RBFOX1: variants seen among roughly 807,000 people sequenced by gnomAD.
RBFOX1 encodes the protein RNA binding protein fox-1 homolog 1.
A neutral mutation model predicts 57.7 loss-of-function variants in RBFOX1; 8 were observed. The ratio of observed to expected loss-of-function variants is 0.14; its 90% confidence interval spans 0.08 to 0.25. The LOEUF is 0.25. RBFOX1 is among the 10% of genes least tolerant of loss of function. The probability of loss-of-function intolerance (pLI) is 1.00; values close to 1 mark genes in which losing one functional copy is unlikely to be tolerated. For synonymous variants in RBFOX1, 326 were observed against 222.4 expected, an observed-to-expected ratio of 1.47 and a Z score of -4.15; for missense variants, 611 against 548.5, an observed-to-expected ratio of 1.11 and a Z score of -1.14.
chr16:6,532,451 A>G (rs1408425310), intron 2 of RBFOX1, among the ~76,000 whole-genome samples: 2 of 152,084 alleles, frequency 1.3e-5, no homozygotes, highest in Admixed American at 6.6e-5. Context: ...TCTTGAATGT[A>G]TGGAGGACCC....
At chr16:6,152,296 C>G (rs1425489459) in intron 1 of RBFOX1, among the ~76,000 whole-genome samples, 1 of 152,136 alleles carries the variant, frequency 6.6e-6, no homozygotes, top group African/African-American at 2.4e-5. Context: ...CTGTATTCCT[C>G]CCACCCCCTC....
chr16:6,894,178 T>C (rs972324339), intron 3 of RBFOX1, among the ~76,000 whole-genome samples: 3 of 152,238 alleles, frequency 2.0e-5, no homozygotes, highest in Admixed American at 6.5e-5. Flanking sequence ...TCTGTCTGTC[T>C]GTCCTTTTTA....
intron 7 of RBFOX1, among the ~76,000 whole-genome samples, chr16:7,587,957 T>C (rs1275330582): frequency 6.6e-6 from 1 of 152,130 alleles, no homozygotes; most frequent in Non-Finnish European, 1.5e-5. Flanking sequence ...GGTGGGTGGA[T>C]CACCTGAGGT....
At chr16:6,945,154 G>A (rs1258100825) in intron 3 of RBFOX1, among the ~76,000 whole-genome samples, 3 of 152,118 alleles carry the variant, frequency 2.0e-5, no homozygotes, top group African/African-American at 7.2e-5. Context: ...ATAGGGATGA[G>A]AGTATGGGGA....
intron 2 of RBFOX1, among the ~76,000 whole-genome samples, chr16:5,573,037 G>A (rs2046336608): frequency 6.6e-6 from 1 of 152,146 alleles, no homozygotes; most frequent in Non-Finnish European, 1.5e-5. Context: ...GGGCCATATG[G>A]GGCAGGGGCA....
intron 5 of RBFOX1, among the ~76,000 whole-genome samples, chr16:7,541,306 T>G (rs1014232652): frequency 2.6e-5 from 4 of 152,216 alleles, no homozygotes; most frequent in Non-Finnish European, 5.9e-5. Context: ...TACCCTTTGT[T>G]GGCTGCAAAT....
intron 1 of RBFOX1, among the ~76,000 whole-genome samples, chr16:5,251,830 A>G (rs1371606439): frequency 1.3e-5 from 2 of 152,218 alleles, no homozygotes; most frequent in Admixed American, 6.5e-5. Context: ...CTATATGTAA[A>G]TTAATAGCTT....
At chr16:7,363,516 C>T (rs1213222676) in intron 4 of RBFOX1, among the ~76,000 whole-genome samples, 1 of 151,744 alleles carries the variant, frequency 6.6e-6, no homozygotes, top group African/African-American at 2.4e-5. Flanking sequence ...TAAGTAAAGG[C>T]CGGGATCTTG....
At chr16:5,595,798 G>A (rs953293561) in intron 2 of RBFOX1, among the ~76,000 whole-genome samples, 3 of 152,158 alleles carry the variant, frequency 2.0e-5, no homozygotes, top group Admixed American at 6.5e-5. Flanking sequence ...AGGGACACAC[G>A]GGATTGGGCA....
intron 3 of RBFOX1, among the ~76,000 whole-genome samples, chr16:6,834,679 A>G (rs72766792): frequency 0.067 from 10,263 of 152,252 alleles, 512 homozygotes; most frequent in Non-Finnish European, 0.11. Flanking sequence ...TATAAAATTT[A>G]GAATAATATT....
intron 2 of RBFOX1, among the ~76,000 whole-genome samples, chr16:6,439,023 T>A (rs573458901): frequency 6.6e-6 from 1 of 152,148 alleles, no homozygotes; most frequent in African/African-American, 2.4e-5. Flanking sequence ...TTTCTGTGGG[T>A]GTGAGAGATG....
intron 4 of RBFOX1, among the ~76,000 whole-genome samples, chr16:5,970,672 G>C (rs976496899): frequency 1.3e-5 from 2 of 152,170 alleles, no homozygotes; most frequent in African/African-American, 4.8e-5. Context: ...GCAGGACTTA[G>C]ACCTGAGTCA....
chr16:6,367,703 T>C (rs780305105), intron 2 of RBFOX1, among the ~76,000 whole-genome samples: 126 of 151,818 alleles, frequency 8.3e-4, no homozygotes, highest in African/African-American at 2.9e-3. Context: ...AATGCCTACA[T>C]GTTTTCTATT....
At chr16:5,376,245 A>C (rs1483472842) in intron 1 of RBFOX1, among the ~76,000 whole-genome samples, 1 of 151,968 alleles carries the variant, frequency 6.6e-6, no homozygotes, top group East Asian at 1.9e-4. Flanking sequence ...GCTGGAGCCC[A>C]GACGGTGCAT....
chr16:6,515,797 G>C (rs8053329), intron 2 of RBFOX1, among the ~76,000 whole-genome samples: 49,330 of 151,792 alleles, frequency 0.32, 8,567 homozygotes, highest in African/African-American at 0.45. Context: ...ACCTGGAACA[G>C]CTCCTTCATC....
chr16:7,407,541 G>T (rs1198411402), intron 4 of RBFOX1, among the ~76,000 whole-genome samples: 2 of 152,128 alleles, frequency 1.3e-5, no homozygotes, highest in Admixed American at 1.3e-4. Context: ...GGTAAGTGGG[G>T]TGGTAGGGGC....
At chr16:5,680,753 C>G (rs2050307383) in intron 3 of RBFOX1, among the ~76,000 whole-genome samples, 1 of 152,118 alleles carries the variant, frequency 6.6e-6, no homozygotes, top group Admixed American at 6.5e-5. Context: ...GTGAAGCTGC[C>G]TATGATAAGA....
chr16:5,430,283 A>T (rs577649671), intron 1 of RBFOX1, among the ~76,000 whole-genome samples: 1 of 152,218 alleles, frequency 6.6e-6, no homozygotes, highest in East Asian at 1.9e-4. Context: ...GGGTCAGGGG[A>T]GGCCTCTCAA....
intron 1 of RBFOX1, among the ~76,000 whole-genome samples, chr16:6,197,640 T>G (rs1046881400): frequency 3.9e-5 from 6 of 152,012 alleles, no homozygotes; most frequent in Non-Finnish European, 7.4e-5. Flanking sequence ...TTTCTTTTTT[T>G]TTTTTTAATT....
Sources: gnomAD v4.1 joint callset for allele counts (sites outside exome capture counted in the v4.1 genomes callset) on GRCh38, gnomAD v4.1.1 for gene constraint, MANE v1.5 for transcripts, NCBI Gene and HGNC (gene_info 2026-07-23, HGNC 2026-07-21) for gene names.